SRP68: variants seen among roughly 807,000 people sequenced by gnomAD.
The protein encoded by SRP68 is signal recognition particle subunit SRP68.
SRP68 carries 15 observed loss-of-function variants against 82.2 expected under a neutral mutation model. The observed-to-expected ratio is 0.18, with a 90% CI of 0.12 to 0.28. The LOEUF (loss-of-function observed/expected upper bound fraction) is 0.28, where lower values mean the gene tolerates loss of function less well. Ranked by LOEUF, SRP68 falls within the 10% of genes least tolerant of loss-of-function variation. SRP68 has a pLI of 1.00. For synonymous variants in SRP68, 261 were observed against 292.6 expected, an observed-to-expected ratio of 0.89 and a Z score of 1.10; for missense variants, 595 against 780.5, an observed-to-expected ratio of 0.76 and a Z score of 2.83.
intron 9 of SRP68, among the ~76,000 whole-genome samples, chr17:76,050,040 GAGA>G (rs548215218): frequency 3.9e-5 from 6 of 152,344 alleles, no homozygotes; most frequent in African/African-American, 1.4e-4. Flanking sequence ...CCTGCAAAGG[GAGA>G]AGAAGGTGGG....
rs775320669 is a variant in SRP68, at chr17:76,061,588, G to A, written c.562-14C>T. The stretch of plus-strand genomic sequence containing the variant: ...AGCTGTGTAAGCCTGTGAGGAGATG[G>A]AAGAGGAGGAACTGCTTCAACAGCA... On this transcript the variant is annotated splice_polypyrimidine_tract_variant and intron_variant, in intron 4 of 15. Transcript: ENST00000307877. 1 of 1,608,908 alleles carries A rather than the reference G, an allele frequency of 6.2e-7. No homozygotes were observed. The highest frequency in any genetic ancestry group is 2.2e-5 in the East Asian group (1 of 44,812).
At chr17:76,052,753 G>A (rs773454156) in intron 8 of SRP68, among the ~76,000 whole-genome samples, 13 of 149,092 alleles carry the variant, frequency 8.7e-5, no homozygotes, top group Admixed American at 1.3e-4. Flanking sequence ...TCAGTGAGCC[G>A]AGATCGCGCC....
chr17:76,071,967 C>T lies in SRP68; in HGVS notation c.184+341G>A. On this transcript the variant is annotated intron_variant, in intron 1 of 15. Coordinates refer to ENST00000307877, the MANE Select transcript of SRP68 (RefSeq NM_014230.4). This position sits in a 1 kb window ranked among gnomAD's most constrained non-coding sequence, Gnocchi z 4.7. ...AATGTCAAGACTGCAGTTTCCTCTC[C>T]CCAGTTCAGTGGCTCAAGGTGCCAA... 2.4e-6 allele frequency: 1 copy of T among 419,816 alleles called. No homozygotes were observed. Among genetic ancestry groups the T allele is most frequent in the Non-Finnish European group, 4.3e-6 (1 of 234,228 alleles). 26.0% of individuals were successfully genotyped at this position (419,816 alleles called of 1,614,324 possible).
intron 4 of SRP68, 161 bp from the exon 5 acceptor site, chr17:76,061,735 A>G: frequency 1.9e-6 from 1 of 515,558 alleles, no homozygotes; most frequent in Non-Finnish European, 3.5e-6. Context: ...CCCAGGTGGG[A>G]GGATCACTTG....
chr17:76,048,265 T>G, intron 9 of SRP68: 2 of 175,828 alleles, frequency 1.1e-5, no homozygotes, highest in African/African-American at 2.4e-5. Flanking sequence ...AAATCAGACA[T>G]TCCACAGTCC....
At chr17:76,041,169 G>A in intron 13 of SRP68, 191 bp from the exon 14 acceptor site, 1 of 494,154 alleles carries the variant, frequency 2.0e-6, no homozygotes. Flanking sequence ...CTATGCCACG[G>A]CTTAAGTAAT....
intron 14 of SRP68, 114 bp from the exon 15 acceptor site, chr17:76,040,588 T>C (rs2066582062): frequency 3.9e-6 from 4 of 1,028,788 alleles, no homozygotes; most frequent in Non-Finnish European, 3.0e-6. Context: ...GGAGCCAGCA[T>C]GTGGGGAAGC....
rs1199133605 is a variant in SRP68, at chr17:76,067,114, C to G, written c.365+103G>C. Reference sequence around the variant, plus strand: ...CACAGGAATAGTAAACAATGCCCAGCCCACAGAGATAATTAAAAGGTTTGG... The same window carrying G: ...CACAGGAATAGTAAACAATGCCCAGGCCACAGAGATAATTAAAAGGTTTGG... On this transcript the variant is annotated intron_variant, in intron 3 of 15. Transcript: ENST00000307877. The G allele has an allele frequency of 4.6e-6, 4 of 875,634 alleles. No individual in the cohort carries two copies. In the Admixed American group the frequency reaches 5.9e-5, roughly 13 times the overall value. 54.2% of individuals were successfully genotyped at this position (875,634 alleles called of 1,614,324 possible). A position where few individuals can be genotyped will look rare whatever the true frequency, so the allele number is the denominator to read the frequency against.
In SRP68 at chr17:76,051,851, G is replaced by A. The variant is rs1401532054; in HGVS notation, c.979-1325C>T. Among the ~76,000 whole-genome samples the A allele has an allele frequency of 5.9e-5, 9 of 152,248 alleles. No individual in the cohort carries two copies. In the South Asian group the frequency reaches 6.2e-4, roughly 11 times the overall value. ...CTCTGCCACGGGCAATGTCCTCTAC[G>A]TGCACCGTCCAATGAACACCTGAGC... On this transcript the variant is annotated intron_variant, in intron 8 of 15. Coordinates refer to ENST00000307877, the MANE Select transcript of SRP68 (RefSeq NM_014230.4).
At position 76,061,168 on chromosome 17, in the gene SRP68, C is replaced by G; in HGVS notation, c.696G>C (p.Leu232=). The change falls in exon 6 of 16, where the codon CTG becomes CTC. Residue 232 remains leucine (L), a synonymous_variant. Coordinates refer to ENST00000307877, the MANE Select transcript of SRP68 (RefSeq NM_014230.4). ...ASAFTEEQAV[L]YNQRVEEISP... ...AAATCTCTTCCACACGTTGGTTATA[C>G]AGCACAGCCTGCTCCTCTGTGAAAG... The G allele has an allele frequency of 6.2e-7, 1 of 1,614,070 alleles. No individual in the cohort carries two copies.
intron 7 of SRP68, among the ~76,000 whole-genome samples, 175 bp downstream of exon 7, chr17:76,060,133 A>G (rs1169079328): frequency 1.3e-5 from 2 of 149,262 alleles, no homozygotes; most frequent in Non-Finnish European, 3.0e-5. Flanking sequence ...CTCAAAAAAA[A>G]AAAAAAAAAA....
At chr17:76,042,488 C>T (rs986812936) in intron 13 of SRP68, among the ~76,000 whole-genome samples, 4 of 149,786 alleles carry the variant, frequency 2.7e-5, no homozygotes, top group East Asian at 4.0e-4. Flanking sequence ...TGGCACAAGC[C>T]GAGATCGTGC....
chr17:76,039,233 A>T lies in SRP68; in HGVS notation c.*473T>A. Reference sequence around the variant, plus strand: ...GTTCACTGGGAGGTGAAGGGGAATAAGGCTGACCGTAATTCTGGGGTGACG... The same window carrying T: ...GTTCACTGGGAGGTGAAGGGGAATATGGCTGACCGTAATTCTGGGGTGACG... On this transcript the variant is annotated 3_prime_UTR_variant, in exon 16 of 16. Coordinates refer to ENST00000307877, the MANE Select transcript of SRP68 (RefSeq NM_014230.4). 2.3e-6 allele frequency: 1 copy of T among 425,612 alleles called. No homozygotes were observed. Among genetic ancestry groups the T allele is most frequent in the South Asian group, 1.7e-5 (1 of 60,052 alleles). The allele number at this position is 425,612 out of a possible 1,614,324, so 26.4% of individuals were successfully genotyped here.
intron 8 of SRP68, chr17:76,053,419 C>A: frequency 1.0e-6 from 1 of 979,162 alleles, no homozygotes; most frequent in Non-Finnish European, 1.2e-6. Context: ...GAGCAACCGG[C>A]GTTCAAGAAA....
At chr17:76,058,110 C>G (rs977236681) in intron 7 of SRP68, among the ~76,000 whole-genome samples, 2 of 150,734 alleles carry the variant, frequency 1.3e-5, no homozygotes, top group Non-Finnish European at 3.0e-5. Context: ...GCAGCTAGGA[C>G]TACAGGTATG....
rs1019565771 is a variant in SRP68, at chr17:76,072,155, C to CA, written c.184+152_184+153insT. 9.7e-6 allele frequency: 14 copies of CA among 1,447,352 alleles called. No individual in the cohort carries two copies. Among genetic ancestry groups the CA allele is most frequent in the Non-Finnish European group, 1.1e-5 (12 of 1,078,224 alleles). The allele number at this position is 1,447,352 out of a possible 1,614,324, so 89.7% of individuals were successfully genotyped here. A position where few individuals can be genotyped will look rare whatever the true frequency, so the allele number is the denominator to read the frequency against. On this transcript the variant is annotated intron_variant, in intron 1 of 15. Coordinates refer to ENST00000307877, the MANE Select transcript of SRP68 (RefSeq NM_014230.4). This position sits in a 1 kb window ranked among gnomAD's most constrained non-coding sequence, Gnocchi z 4.5. ...AGACTAGTCGAGAGACAGACCCCCC[C>CA]CGGAATTCTGAGCACCAAAAGGTAA...
intron 1 of SRP68, among the ~76,000 whole-genome samples, chr17:76,070,696 G>C (rs4289017): frequency 6.6e-6 from 1 of 151,966 alleles, no homozygotes; most frequent in Admixed American, 6.6e-5. Flanking sequence ...CAAAAAATTA[G>C]CCGGGCGCAA....
chr17:76,059,490 C>T (rs1183542351), intron 7 of SRP68, among the ~76,000 whole-genome samples: 1 of 151,920 alleles, frequency 6.6e-6, no homozygotes, highest in Non-Finnish European at 1.5e-5. Context: ...TGCAGTGAGC[C>T]AAGATTGCAC....
rs192563978 is a variant in SRP68, at chr17:76,068,848, C to T, written c.252-1518G>A. 7.5e-3 allele frequency among the ~76,000 whole-genome samples: 1,140 copies of T among 152,224 alleles called. 16 individuals are homozygous for T. The highest frequency in any genetic ancestry group is 0.026 in the African/African-American group (1,066 of 41,530). ...CGAACTCCGGGGCTTAAGCAATTCT[C>T]GGGCCTCATCCTCCCAAGTAACTGG... On this transcript the variant is annotated intron_variant, in intron 2 of 15. Coordinates refer to ENST00000307877, the MANE Select transcript of SRP68 (RefSeq NM_014230.4).
Sources: allele counts gnomAD v4.1 joint callset (sites outside exome capture counted in the v4.1 genomes callset), GRCh38; gene constraint gnomAD v4.1.1; non-coding constraint Gnocchi (gnomAD v3.1); transcripts MANE v1.5; gene names NCBI Gene and HGNC (gene_info 2026-07-23, HGNC 2026-07-21).